The following ZFHX4 variants were observed in gnomAD, a reference collection of about 807,000 sequenced individuals.
ZFHX4 encodes the protein zinc finger homeobox protein 4.
A neutral mutation model predicts 267.6 loss-of-function variants in ZFHX4; 56 were observed. That is an observed-to-expected ratio of 0.21 (90% CI 0.17 to 0.26). The LOEUF (loss-of-function observed/expected upper bound fraction) is 0.26. Ranked by LOEUF, ZFHX4 falls within the 10% of genes least tolerant of loss-of-function variation. The probability of loss-of-function intolerance (pLI) is 1.00; values close to 1 mark genes in which losing one functional copy is unlikely to be tolerated. For missense variants in ZFHX4, 4,332 were observed against 4,420.0 expected (o/e 0.98, Z 0.56); for synonymous variants, 1,778 against 1,665.6 (o/e 1.07, Z -1.64).
rs1218673540 is a variant in ZFHX4 at position 76,848,907 on chromosome 8, T to C, written c.3512-88T>C. 3.9e-6 allele frequency: 5 copies of C among 1,282,458 alleles called. No individual in the cohort carries two copies. In the South Asian group the frequency reaches 7.0e-5, roughly 18 times the overall value. 79.4% of individuals were successfully genotyped at this position (1,282,458 alleles called of 1,614,324 possible). A position where few individuals can be genotyped will look rare whatever the true frequency, so the allele number is the denominator to read the frequency against. ...GGTTCTTTTTGTGATTCAGTGTGTT[T>C]AGAGTCGCAAATGTTTGAAAAACAT... is the stretch of plus-strand genomic sequence containing the variant. On this transcript the variant is annotated intron_variant, in intron 6 of 10. Coordinates refer to ENST00000651372, the MANE Select transcript of ZFHX4 (RefSeq NM_024721.5).
At chr8:76,746,722 A>G (rs1809468803) in intron 3 of ZFHX4, among the ~76,000 whole-genome samples, 1 of 152,224 alleles carries the variant, frequency 6.6e-6, no homozygotes, top group Admixed American at 6.5e-5. Flanking sequence ...AAGAGTCTTT[A>G]CATGTGAAAC....
rs35873786 is a variant in ZFHX4 at position 76,839,053 on chromosome 8, A to AAGAGAGAGAGAG, written c.3395-3566_3395-3555dup. Among the ~76,000 whole-genome samples the AAGAGAGAGAGAG allele has an allele frequency of 1.1e-3, 123 of 107,454 alleles. 2 individuals carry two copies. Among genetic ancestry groups the AAGAGAGAGAGAG allele is most frequent in the Middle Eastern group, 6.2e-3 (1 of 162 alleles). 70.5% of individuals were successfully genotyped at this position (107,454 alleles called of 152,430 possible). On this transcript the variant is annotated intron_variant, in intron 5 of 10. Coordinates refer to ENST00000651372, the MANE Select transcript of ZFHX4 (RefSeq NM_024721.5). ...AGCAACAGAGTGGGACTCTGTCTGA[A>AAGAGAGAGAGAG]AGAGAGAGAGAGAGAGAGAGAGAGA...
At position 76,852,421 on chromosome 8, in the gene ZFHX4, T is replaced by C. The variant is rs769544532; in HGVS notation, c.5500T>C (p.Leu1834=). The change falls in exon 10 of 11, where the codon TTG becomes CTG. Residue 1834 remains leucine, a synonymous_variant. Coordinates refer to ENST00000651372, the MANE Select transcript of ZFHX4 (RefSeq NM_024721.5). ...GCAGCAACAGCAGGCAAGCAAATTATTGAAACAAGAGCAAAGTAACATAGT... is the reference window on the plus strand; with the variant it reads ...GCAGCAACAGCAGGCAAGCAAATTACTGAAACAAGAGCAAAGTAACATAGT... ...QQQQQQASKL[L]KQEQSNIVSA... is the part of the protein sequence containing the mutation. 35 of 1,557,532 alleles carry C rather than the reference T, an allele frequency of 2.2e-5. No individual in the cohort carries two copies. The highest frequency in any genetic ancestry group is 2.9e-5 in the Non-Finnish European group (33 of 1,150,200).
chr8:76,762,507 G>A (rs1046465779), intron 3 of ZFHX4, among the ~76,000 whole-genome samples: 33 of 152,102 alleles, frequency 2.2e-4, no homozygotes, highest in African/African-American at 8.0e-4. Context: ...ACTAGAATTA[G>A]GATATGCTAG....
chr8:76,841,830 G>A (rs1200402280), intron 5 of ZFHX4, among the ~76,000 whole-genome samples: 1 of 152,158 alleles, frequency 6.6e-6, no homozygotes, highest in African/African-American at 2.4e-5. Flanking sequence ...ATTAAAATGT[G>A]ACATCAGCAC....
intron 6 of ZFHX4, among the ~76,000 whole-genome samples, chr8:76,845,885 T>A (rs577768627): frequency 6.6e-6 from 1 of 152,060 alleles, no homozygotes; most frequent in East Asian, 1.9e-4. Flanking sequence ...TTAGTTAAAA[T>A]GAATGAAAAT....
intron 4 of ZFHX4, among the ~76,000 whole-genome samples, chr8:76,820,792 G>T (rs1034179906): frequency 2.6e-5 from 4 of 152,094 alleles, no homozygotes; most frequent in Admixed American, 2.6e-4. Flanking sequence ...TACCTACAAT[G>T]AAAAAGTAAT....
At chr8:76,767,854 A>G (rs538407607) in intron 3 of ZFHX4, among the ~76,000 whole-genome samples, 1 of 152,300 alleles carries the variant, frequency 6.6e-6, no homozygotes, top group East Asian at 1.9e-4. Context: ...TGGGATTTTT[A>G]TGAAGATGGG....
intron 4 of ZFHX4, among the ~76,000 whole-genome samples, chr8:76,820,712 A>C (rs1437746176): frequency 1.3e-5 from 2 of 152,344 alleles, no homozygotes. Flanking sequence ...AGAGTTTAAT[A>C]GGAAAGTGTT....
rs757249042 is a variant in ZFHX4, at chr8:76,779,116, A to G, written c.3325+677A>G. Among the ~76,000 whole-genome samples the G allele has an allele frequency of 2.0e-4, 30 of 152,198 alleles. 1 individual carries two copies. The highest frequency in any genetic ancestry group is 3.9e-4 in the Admixed American group (6 of 15,268). ...AGCTAAAAACCACATGCGAAACTTT[A>G]TGCATTAAAACTACCCATATTGGAA... On this transcript the variant is annotated intron_variant, in intron 4 of 10. Transcript: ENST00000651372.
In ZFHX4 at chr8:76,705,011, A is replaced by G; in HGVS notation, c.923A>G (p.Glu308Gly). 3.7e-6 allele frequency: 6 copies of G among 1,613,858 alleles called. No homozygotes were observed. Among genetic ancestry groups the G allele is most frequent in the Non-Finnish European group, 5.1e-6 (6 of 1,179,860 alleles). Residue 308 changes from glutamate to glycine, a missense_variant, in exon 2 of 11, where the codon GAG becomes GGG. Coordinates refer to ENST00000651372, the MANE Select transcript of ZFHX4 (RefSeq NM_024721.5). ...GATCATCGGATGACCCTCAATGACGAGGAGCAGAAGCTCCTCAGTAATAAA... is the reference window on the plus strand; with the variant it reads ...GATCATCGGATGACCCTCAATGACGGGGAGCAGAAGCTCCTCAGTAATAAA... ...VHDHRMTLNDEEQKLLSNKCV... is the reference protein window; with the variant it reads ...VHDHRMTLNDGEQKLLSNKCV...
chr8:76,832,621 C>T (rs1811965461), intron 4 of ZFHX4, among the ~76,000 whole-genome samples: 1 of 152,100 alleles, frequency 6.6e-6, no homozygotes, highest in Non-Finnish European at 1.5e-5. Context: ...ATGGAATCAA[C>T]AGCAGGTGGT....
chr8:76,841,827 TG>T (rs1179055637), intron 5 of ZFHX4, among the ~76,000 whole-genome samples: 3 of 152,178 alleles, frequency 2.0e-5, no homozygotes, highest in African/African-American at 7.2e-5. Flanking sequence ...TTCATTAAAA[TG>T]TGACATCAGC....
chr8:76,778,477 T>G, intron 4 of ZFHX4, 38 bp downstream of exon 4: 2 of 1,491,684 alleles, frequency 1.3e-6, no homozygotes, highest in Non-Finnish European at 1.9e-6. Context: ...TGAGCCTCCC[T>G]CCACACCACT....
rs543883631 is a variant in ZFHX4 at position 76,830,983 on chromosome 8, T to C, written c.3326-2355T>C. Among the ~76,000 whole-genome samples, 218 of 152,306 alleles carry C rather than the reference T, an allele frequency of 1.4e-3. 1 individual carries two copies. Among genetic ancestry groups the C allele is most frequent in the South Asian group, 3.9e-3 (19 of 4,830 alleles). ...GATACATTGAAAATTTGACAGACTT[T>C]TATACGAGACAGACAAGGGTTTCAT... On this transcript the variant is annotated intron_variant, in intron 4 of 10. Transcript: ENST00000651372.
chr8:76,687,255 G>C (rs779186384), intron 1 of ZFHX4, among the ~76,000 whole-genome samples: 14 of 152,302 alleles, frequency 9.2e-5, no homozygotes, highest in East Asian at 1.9e-4. Context: ...GCTGACTAAT[G>C]TTCTGGGCTG....
At chr8:76,745,233 C>A (rs1268309500) in intron 3 of ZFHX4, among the ~76,000 whole-genome samples, 1 of 152,158 alleles carries the variant, frequency 6.6e-6, no homozygotes, top group African/African-American at 2.4e-5. Context: ...CTATGACCCT[C>A]CCTCCTTGAA....
Position 76,705,142 on chromosome 8 carries a change from A to G in ZFHX4, c.1054A>G (p.Asn352Asp), listed in dbSNP as rs978707598. ...TSVYPHFSTT[N>D]LIGPDPTFRG... ...TGTTTATCCCCATTTTTCTACTACA[A>G]ACCTCATAGGACCCGATCCAACCTT... The change falls in exon 2 of 11, where the codon AAC becomes GAC. Residue 352 changes from asparagine (N) to aspartate (D), a missense_variant. Coordinates refer to ENST00000651372, the MANE Select transcript of ZFHX4 (RefSeq NM_024721.5). The G allele has an allele frequency of 6.7e-5, 108 of 1,613,758 alleles. No individual in the cohort carries two copies. Among genetic ancestry groups the G allele is most frequent in the Non-Finnish European group, 9.0e-5 (106 of 1,179,856 alleles).
At chr8:76,850,190 A>G in intron 8 of ZFHX4, 55 bp from the exon 9 acceptor site, 1 of 1,363,800 alleles carries the variant, frequency 7.3e-7, no homozygotes, top group Non-Finnish European at 1.0e-6. Flanking sequence ...GAGAGATGTG[A>G]TGGAATTTGT....
Sources: allele counts gnomAD v4.1 joint callset (sites outside exome capture counted in the v4.1 genomes callset), GRCh38; gene constraint gnomAD v4.1.1; transcripts MANE v1.5; gene names NCBI Gene and HGNC (gene_info 2026-07-23, HGNC 2026-07-21).